The following DMXL1 variants were observed in gnomAD, a reference collection of about 807,000 sequenced individuals.
DMXL1 encodes the protein dmX-like protein 1.
Under a neutral mutation model 319.2 loss-of-function variants are expected in DMXL1, and 99 were observed. That is an observed-to-expected ratio of 0.31 (90% CI 0.26 to 0.37). The LOEUF is 0.37. DMXL1 is among the 10% of genes least tolerant of loss of function. The probability of loss-of-function intolerance (pLI) is 1.00; values close to 1 mark genes in which losing one functional copy is unlikely to be tolerated. For missense variants in DMXL1, 3,745 were observed against 3,595.6 expected (o/e 1.04, Z -1.06); for synonymous variants, 1,385 against 1,235.2 (o/e 1.12, Z -2.54).
intron 1 of DMXL1, among the ~76,000 whole-genome samples, chr5:119,094,224 G>T (rs940445198): frequency 2.0e-5 from 3 of 152,190 alleles, no homozygotes; most frequent in African/African-American, 7.2e-5. Context: ...AGCTTCAAAG[G>T]ACAGGCTGAC....
chr5:119,105,199 A>T lies in DMXL1; in HGVS notation c.305A>T (p.Gln102Leu). ...KKNLELYSQWQKSGQFFLESI... is the reference protein window; with the variant it reads ...KKNLELYSQWLKSGQFFLESI... ...TTTTAGGAATTATATAGTCAGTGGC[A>T]GAAAAGTGGCCAATTTTTTCTGGAA... Residue 102 changes from glutamine (Q) to leucine (L), a missense_variant, in exon 4 of 44, where the codon CAG becomes CTG. By Grantham distance (113) the Gln-to-Leu change is moderately radical. Transcript: ENST00000539542. 1 of 1,612,700 alleles carries T rather than the reference A, an allele frequency of 6.2e-7. No individual in the cohort carries two copies.
chr5:119,123,242 A>G (rs1157204872), intron 9 of DMXL1, among the ~76,000 whole-genome samples: 1 of 151,582 alleles, frequency 6.6e-6, no homozygotes, highest in South Asian at 2.1e-4. Context: ...CAGTGAGCCG[A>G]GATGGCGGCA....
chr5:119,157,388 A>C (rs1002936633), intron 19 of DMXL1, among the ~76,000 whole-genome samples: 6 of 152,228 alleles, frequency 3.9e-5, no homozygotes, highest in Admixed American at 3.9e-4. Context: ...TATCCAAAAA[A>C]ATCATTGCCC....
At chr5:119,183,506 A>G (rs2150340527) in intron 28 of DMXL1, among the ~76,000 whole-genome samples, 1 of 152,294 alleles carries the variant, frequency 6.6e-6, no homozygotes, top group Non-Finnish European at 1.5e-5. Context: ...AGAGACTCGT[A>G]CCGTCGCCCA....
chr5:119,181,817 A>T (rs897643863), intron 28 of DMXL1, among the ~76,000 whole-genome samples: 3 of 152,150 alleles, frequency 2.0e-5, no homozygotes, highest in African/African-American at 7.2e-5. Context: ...ATCTCAAAAA[A>T]GAAAAGAAAA....
At chr5:119,175,392 T>C in intron 26 of DMXL1, 55 bp downstream of exon 26, 1 of 1,285,840 alleles carries the variant, frequency 7.8e-7, no homozygotes. Context: ...TGAGGTTTCA[T>C]ATTTTGTATG....
At chr5:119,084,422 T>A (rs899862778) in intron 1 of DMXL1, among the ~76,000 whole-genome samples, 6 of 152,222 alleles carry the variant, frequency 3.9e-5, no homozygotes, top group Admixed American at 6.5e-5. Flanking sequence ...GCCTGACCTT[T>A]TCCCCAAAAG....
At chr5:119,115,376 A>T (rs904757756) in intron 6 of DMXL1, among the ~76,000 whole-genome samples, 2 of 152,182 alleles carry the variant, frequency 1.3e-5, no homozygotes, top group Non-Finnish European at 2.9e-5. Context: ...ATACTTTATT[A>T]CCTGTCTATT....
intron 19 of DMXL1, among the ~76,000 whole-genome samples, chr5:119,159,433 C>T (rs1771781058): frequency 6.6e-6 from 1 of 152,206 alleles, no homozygotes; most frequent in South Asian, 2.1e-4. Context: ...TATGTCCTTA[C>T]TCATCATCAA....
At chr5:119,243,717 A>G (rs930672678) in intron 42 of DMXL1, among the ~76,000 whole-genome samples, 1 of 152,124 alleles carries the variant, frequency 6.6e-6, no homozygotes, top group Non-Finnish European at 1.5e-5. Flanking sequence ...CCTCTAATTA[A>G]CTTAAAATTA....
At chr5:119,112,105 C>G (rs545012494) in intron 5 of DMXL1, among the ~76,000 whole-genome samples, 1 of 152,098 alleles carries the variant, frequency 6.6e-6, no homozygotes, top group South Asian at 2.1e-4. Flanking sequence ...GGACTACAGG[C>G]GCTCTACCAC....
intron 33 of DMXL1, among the ~76,000 whole-genome samples, chr5:119,204,740 C>T (rs1229185029): frequency 1.3e-5 from 2 of 152,130 alleles, no homozygotes; most frequent in Non-Finnish European, 2.9e-5. Context: ...GAGTTCAGAA[C>T]TGACATTTGG....
intron 1 of DMXL1, among the ~76,000 whole-genome samples, chr5:119,090,253 T>C (rs936259050): frequency 2.6e-5 from 4 of 151,692 alleles, no homozygotes; most frequent in African/African-American, 7.3e-5. Flanking sequence ...ACTCCGGACC[T>C]CAGGTGATTT....
At chr5:119,156,126 C>G (rs1357995698) in intron 19 of DMXL1, among the ~76,000 whole-genome samples, 1 of 152,112 alleles carries the variant, frequency 6.6e-6, no homozygotes, top group Non-Finnish European at 1.5e-5. Flanking sequence ...TCATTGTTGC[C>G]TTATTTTAAG....
At chr5:119,137,120 G>A (rs886666166) in intron 13 of DMXL1, among the ~76,000 whole-genome samples, 2 of 152,246 alleles carry the variant, frequency 1.3e-5, no homozygotes, top group Non-Finnish European at 2.9e-5. Flanking sequence ...TCCCAAGGCC[G>A]TGGGAACCCA....
At chr5:119,225,305 A>T (rs1785333853) in intron 38 of DMXL1, among the ~76,000 whole-genome samples, 1 of 152,010 alleles carries the variant, frequency 6.6e-6, no homozygotes, top group Admixed American at 6.6e-5. Flanking sequence ...AAGGCAGAAT[A>T]TATGTGTTTT....
chr5:119,134,522 C>T, intron 13 of DMXL1, 133 bp downstream of exon 13: 1 of 790,006 alleles, frequency 1.3e-6, no homozygotes, highest in Non-Finnish European at 1.9e-6. Context: ...TATTTTTTCA[C>T]ATTTGTACTC....
intron 34 of DMXL1, among the ~76,000 whole-genome samples, chr5:119,210,745 CT>C (rs1276697384): frequency 3.0e-5 from 3 of 99,312 alleles, no homozygotes; most frequent in Non-Finnish European, 4.2e-5. Context: ...GTTCTTTTTT[CT>C]TTTTTCTTTC....
At chr5:119,084,644 A>T (rs1752935445) in intron 1 of DMXL1, among the ~76,000 whole-genome samples, 1 of 152,010 alleles carries the variant, frequency 6.6e-6, no homozygotes, top group African/African-American at 2.4e-5. Context: ...CGGGTGGATC[A>T]TCTGAGGCTG....
Sources: allele counts gnomAD v4.1 joint callset (sites outside exome capture counted in the v4.1 genomes callset), GRCh38; gene constraint gnomAD v4.1.1; transcripts MANE v1.5; gene names NCBI Gene and HGNC (gene_info 2026-07-23, HGNC 2026-07-21).